The following PALM2AKAP2 variants were observed in gnomAD, a reference collection of about 807,000 sequenced individuals.
PALM2AKAP2 encodes the protein PALM2-AKAP2 fusion protein.
Under a neutral mutation model 71.5 loss-of-function variants are expected in PALM2AKAP2, and 37 were observed. The observed-to-expected ratio is 0.52, with a 90% CI of 0.40 to 0.68. The LOEUF is 0.68. Ranked by LOEUF, PALM2AKAP2 falls within the 30% of genes least tolerant of loss-of-function variation. PALM2AKAP2 has a pLI of 0.00. For missense variants in PALM2AKAP2, 1,224 were observed against 1,191.8 expected (o/e 1.03, Z -0.40); for synonymous variants, 468 against 478.8 (o/e 0.98, Z 0.29).
chr9:109,947,927 A>G (rs1301690651), intron 6 of PALM2AKAP2, among the ~76,000 whole-genome samples: 1 of 152,216 alleles, frequency 6.6e-6, no homozygotes, highest in East Asian at 1.9e-4. Flanking sequence ...ATCAAGGTAT[A>G]TTGAACTCCA....
intron 1 of PALM2AKAP2, among the ~76,000 whole-genome samples, chr9:109,851,853 C>G (rs1829030331): frequency 6.6e-6 from 1 of 152,128 alleles, no homozygotes; most frequent in Non-Finnish European, 1.5e-5. Flanking sequence ...AATTAAAGGA[C>G]TAAGTACTTT....
intron 1 of PALM2AKAP2, among the ~76,000 whole-genome samples, chr9:110,134,890 T>A (rs1564323765): frequency 6.6e-6 from 1 of 151,990 alleles, no homozygotes; most frequent in Non-Finnish European, 1.5e-5. Flanking sequence ...AAATTAAGTT[T>A]ATACTTTACT....
intron 1 of PALM2AKAP2, chr9:109,867,280 C>T: frequency 2.0e-6 from 1 of 506,674 alleles, no homozygotes; most frequent in Non-Finnish European, 3.6e-6. Flanking sequence ...GAGAATTTCT[C>T]CCACTCTTCG....
intron 3 of PALM2AKAP2, among the ~76,000 whole-genome samples, chr9:110,160,088 C>T (rs942257558): frequency 1.3e-5 from 2 of 152,198 alleles, no homozygotes; most frequent in African/African-American, 4.8e-5. Context: ...TACCCACTTA[C>T]CCAAGGCTGT....
At chr9:110,146,830 A>T (rs1043576848) in intron 2 of PALM2AKAP2, among the ~76,000 whole-genome samples, 6 of 152,160 alleles carry the variant, frequency 3.9e-5, no homozygotes, top group Non-Finnish European at 7.4e-5. Context: ...GCACCAAAGA[A>T]TATATGTGTA....
intron 1 of PALM2AKAP2, among the ~76,000 whole-genome samples, chr9:109,772,654 G>C (rs1829286838): frequency 6.6e-6 from 1 of 152,220 alleles, no homozygotes; most frequent in African/African-American, 2.4e-5. Context: ...GAAATCACTG[G>C]AGTGACTGAG....
intron 1 of PALM2AKAP2, among the ~76,000 whole-genome samples, chr9:110,117,931 G>A (rs1005457759): frequency 6.7e-6 from 1 of 150,162 alleles, no homozygotes; most frequent in Non-Finnish European, 1.5e-5. Flanking sequence ...AGAATAAAGT[G>A]TATATATATA....
intron 1 of PALM2AKAP2, among the ~76,000 whole-genome samples, chr9:109,781,010 A>G (rs1829437545): frequency 6.6e-6 from 1 of 152,174 alleles, no homozygotes; most frequent in African/African-American, 2.4e-5. Context: ...GAAACCGGGA[A>G]TGTTAGTTTT....
At chr9:109,643,924 C>A (rs1587851870) in intron 1 of PALM2AKAP2, among the ~76,000 whole-genome samples, 1 of 152,112 alleles carries the variant, frequency 6.6e-6, no homozygotes, top group East Asian at 1.9e-4. Context: ...CCTCAGGAAG[C>A]TTTCAGTCAT....
chr9:110,058,899 T>TC (rs1491214429), intron 1 of PALM2AKAP2, among the ~76,000 whole-genome samples: 1 of 44,082 alleles, frequency 2.3e-5, no homozygotes, highest in East Asian at 5.9e-4. Flanking sequence ...AGTTTTTTGG[T>TC]TTTTTTTTTT....
chr9:110,035,627 AG>A (rs1201332425), intron 7 of PALM2AKAP2, among the ~76,000 whole-genome samples: 3 of 133,810 alleles, frequency 2.2e-5, no homozygotes, highest in Non-Finnish European at 4.6e-5. Flanking sequence ...TAACATATAT[AG>A]GATATGTTGT....
intron 1 of PALM2AKAP2, among the ~76,000 whole-genome samples, chr9:109,750,459 T>C (rs1378772277): frequency 6.6e-6 from 1 of 152,134 alleles, no homozygotes; most frequent in Admixed American, 6.6e-5. Context: ...TGCTACCATG[T>C]TAAAAAAATC....
chr9:109,675,478 A>G (rs1827634762), intron 1 of PALM2AKAP2, among the ~76,000 whole-genome samples: 1 of 152,146 alleles, frequency 6.6e-6, no homozygotes, highest in African/African-American at 2.4e-5. Context: ...AAAAGTTCTG[A>G]GTAGGCAAAA....
intron 1 of PALM2AKAP2, among the ~76,000 whole-genome samples, chr9:109,853,242 C>G (rs1829068444): frequency 6.6e-6 from 1 of 150,858 alleles, no homozygotes; most frequent in African/African-American, 2.4e-5. Flanking sequence ...CCTGTAAACA[C>G]TCCCACCCCC....
intron 2 of PALM2AKAP2, among the ~76,000 whole-genome samples, chr9:109,868,184 AAGAGAG>A (rs539262999): frequency 1.3e-5 from 2 of 151,308 alleles, no homozygotes; most frequent in Admixed American, 6.6e-5. Context: ...ACCATCTAAA[AAGAGAG>A]AGAGAGAGAG....
In PALM2AKAP2 at chr9:109,921,206, G is replaced by A. The variant is rs548726967; in HGVS notation, c.258-2529G>A. Reference sequence around the variant, plus strand: ...TATCTTGGCTGGGCCACACCTTTGCGCAACTTAGCTCAGCTTTTTAAATTC... The same window carrying A: ...TATCTTGGCTGGGCCACACCTTTGCACAACTTAGCTCAGCTTTTTAAATTC... On this transcript the variant is annotated intron_variant, in intron 3 of 9. Transcript: ENST00000302798. Among the ~76,000 whole-genome samples the A allele has an allele frequency of 2.4e-4, 36 of 152,232 alleles. No homozygotes were observed. In the South Asian group the frequency reaches 2.7e-3, roughly 11 times the overall value.
intron 1 of PALM2AKAP2, among the ~76,000 whole-genome samples, chr9:109,666,725 T>A (rs60960415): frequency 1.3e-4 from 19 of 151,860 alleles, no homozygotes; most frequent in African/African-American, 4.6e-4. Flanking sequence ...GCCTTGGGAG[T>A]CAGCAGAAGG....
At chr9:109,659,544 C>G (rs879806674) in intron 1 of PALM2AKAP2, among the ~76,000 whole-genome samples, 7 of 152,042 alleles carry the variant, frequency 4.6e-5, no homozygotes, top group Non-Finnish European at 1.0e-4. Context: ...GCTTCTTCCA[C>G]TTAGCATAAT....
intron 6 of PALM2AKAP2, among the ~76,000 whole-genome samples, chr9:109,935,662 G>A (rs1275976832): frequency 6.6e-6 from 1 of 152,180 alleles, no homozygotes; most frequent in Non-Finnish European, 1.5e-5. Context: ...TAGCCATGAT[G>A]TCAAGCTCCT....
Sources: allele counts gnomAD v4.1 joint callset (sites outside exome capture counted in the v4.1 genomes callset), GRCh38; gene constraint gnomAD v4.1.1; transcripts MANE v1.5; gene names NCBI Gene and HGNC (gene_info 2026-07-23, HGNC 2026-07-21).